Variants in GPR158 observed in about 807,000 individuals in gnomAD.
GPR158 encodes the protein metabotropic glycine receptor.
GPR158 carries 30 observed loss-of-function variants against 78.2 expected under a neutral mutation model. The observed-to-expected ratio is 0.38, with a 90% CI of 0.29 to 0.52. The LOEUF is 0.52. Among genes scored for constraint, GPR158 ranks in the 20% least tolerant of loss-of-function variants. The pLI is 0.83. For missense variants in GPR158, 1,463 were observed against 1,523.5 expected (o/e 0.96, Z 0.66); for synonymous variants, 581 against 591.1 (o/e 0.98, Z 0.25).
rs750135523 is a variant in GPR158 at position 25,572,713 on chromosome 10, A to T, written c.1579A>T (p.Met527Leu). 1 of 1,614,126 alleles carries T rather than the reference A, an allele frequency of 6.2e-7. No individual in the cohort carries two copies. Among genetic ancestry groups the T allele is most frequent in the South Asian group, 1.1e-5 (1 of 91,082 alleles). Reference protein sequence around the residue: ...RIPYMTGGRVMRMLAVILLVV... With the variant: ...RIPYMTGGRVLRMLAVILLVV... The stretch of plus-strand genomic sequence containing the variant: ...TCCATATATGACTGGCGGACGGGTC[A>T]TGAGGATGCTGGCAGTAATACTCTT... Residue 527 changes from methionine (M) to leucine (L), a missense_variant, in exon 7 of 11, where the codon ATG becomes TTG. Met to Leu is a conservative substitution (Grantham distance 15). Coordinates refer to ENST00000376351, the MANE Select transcript of GPR158 (RefSeq NM_020752.3).
Position 25,460,203 on chromosome 10 carries a change from T to C in GPR158, c.1336-6448T>C, listed in dbSNP as rs1484017274. Among the ~76,000 whole-genome samples the C allele has an allele frequency of 2.0e-5, 3 of 152,058 alleles. No homozygotes were observed. In the East Asian group the frequency reaches 5.8e-4, roughly 29 times the overall value. On this transcript the variant is annotated intron_variant, in intron 4 of 10. Transcript: ENST00000376351. ...CCAAATCAGAGATTTTCTTTTTTTTTTTTTCCCTCTTCTTTTGAGATGGAG... is the reference window on the plus strand; with the variant it reads ...CCAAATCAGAGATTTTCTTTTTTTTCTTTTCCCTCTTCTTTTGAGATGGAG...
chr10:25,396,546 C>G (rs2130529692), intron 3 of GPR158, among the ~76,000 whole-genome samples: 1 of 152,142 alleles, frequency 6.6e-6, no homozygotes, highest in South Asian at 2.1e-4. Context: ...CGCTTGTAAT[C>G]CTAGCAATTT....
intron 1 of GPR158, among the ~76,000 whole-genome samples, chr10:25,215,402 CAG>C (rs1436527928): frequency 2.0e-5 from 3 of 152,174 alleles, no homozygotes; most frequent in African/African-American, 7.2e-5. Context: ...TTAAAGGGAA[CAG>C]AGTTTCAGTT....
chr10:25,425,408 T>C (rs2130567492), intron 4 of GPR158, among the ~76,000 whole-genome samples: 1 of 152,208 alleles, frequency 6.6e-6, no homozygotes, highest in East Asian at 1.9e-4. Flanking sequence ...AGTTTTAATT[T>C]GCATTTCCCT....
At chr10:25,415,254 T>C (rs185258269) in intron 4 of GPR158, among the ~76,000 whole-genome samples, 4 of 152,076 alleles carry the variant, frequency 2.6e-5, no homozygotes, top group African/African-American at 9.7e-5. Context: ...CAGAAGATAT[T>C]TGTAAATCCA....
intron 2 of GPR158, among the ~76,000 whole-genome samples, chr10:25,252,660 A>C (rs1853824441): frequency 6.6e-6 from 1 of 152,192 alleles, no homozygotes; most frequent in Non-Finnish European, 1.5e-5. Context: ...TTGAAGAGGC[A>C]GTCTGCCGGT....
intron 5 of GPR158, among the ~76,000 whole-genome samples, chr10:25,530,252 C>A (rs1476085209): frequency 6.6e-6 from 1 of 152,162 alleles, no homozygotes; most frequent in East Asian, 1.9e-4. Flanking sequence ...ACTCCAAGGG[C>A]TTTCCCAATA....
At chr10:25,480,560 G>A (rs824611) in intron 5 of GPR158, among the ~76,000 whole-genome samples, 1 of 152,002 alleles carries the variant, frequency 6.6e-6, no homozygotes, top group African/African-American at 2.4e-5. Context: ...CTTTTCCAGG[G>A]CCTTCACATG....
chr10:25,254,319 A>G (rs1479954114), intron 2 of GPR158, among the ~76,000 whole-genome samples: 2 of 152,202 alleles, frequency 1.3e-5, no homozygotes, highest in Non-Finnish European at 2.9e-5. Flanking sequence ...TTGCAAAACC[A>G]CATGAACTGA....
chr10:25,241,311 T>TTTCTTTTCTTTTCTCTTCACTTCTC (rs1554787218), intron 2 of GPR158, among the ~76,000 whole-genome samples: 7 of 104,588 alleles, frequency 6.7e-5, no homozygotes, highest in African/African-American at 3.1e-4. Flanking sequence ...TTTCTTTTCT[T>TTTCTTTTCTTTTCTCTTCACTTCTC]TTCTCTTCTC....
intron 2 of GPR158, among the ~76,000 whole-genome samples, chr10:25,276,453 C>T (rs1350002352): frequency 2.6e-5 from 4 of 152,138 alleles, no homozygotes; most frequent in Non-Finnish European, 4.4e-5. Flanking sequence ...CTTTGCCCTC[C>T]CAATTATGTG....
chr10:25,182,799 C>T (rs144077810), intron 1 of GPR158, among the ~76,000 whole-genome samples: 1 of 152,310 alleles, frequency 6.6e-6, no homozygotes, highest in Non-Finnish European at 1.5e-5. Flanking sequence ...TGCTATTTTG[C>T]ACTTGGTTGG....
intron 3 of GPR158, among the ~76,000 whole-genome samples, chr10:25,403,812 T>A (rs140243691): frequency 9.9e-5 from 15 of 152,196 alleles, no homozygotes; most frequent in African/African-American, 3.4e-4. Flanking sequence ...GTGAGTTGAA[T>A]ATTATTTTCA....
chr10:25,475,333 A>G (rs1019959585), intron 5 of GPR158: 1 of 152,214 alleles, frequency 6.6e-6, no homozygotes, highest in Admixed American at 6.5e-5. Flanking sequence ...ACCTCATCCT[A>G]TTGACTTCAT....
intron 6 of GPR158, among the ~76,000 whole-genome samples, chr10:25,555,354 G>A (rs1299988701): frequency 6.6e-6 from 1 of 152,156 alleles, no homozygotes; most frequent in African/African-American, 2.4e-5. Flanking sequence ...CTTTTAGCTA[G>A]GTCAGTGTGG....
chr10:25,312,927 G>C (rs903062029), intron 2 of GPR158, among the ~76,000 whole-genome samples: 4 of 151,954 alleles, frequency 2.6e-5, no homozygotes, highest in Non-Finnish European at 4.4e-5. Context: ...ATCAGTAAAA[G>C]TATCAGTACA....
intron 2 of GPR158, among the ~76,000 whole-genome samples, chr10:25,364,669 G>A (rs1855693076): frequency 6.6e-6 from 1 of 151,742 alleles, no homozygotes; most frequent in East Asian, 1.9e-4. Flanking sequence ...TGAATTTTAT[G>A]TATATTTTAT....
chr10:25,464,683 T>A (rs1055132901), intron 4 of GPR158, among the ~76,000 whole-genome samples: 1 of 152,246 alleles, frequency 6.6e-6, no homozygotes, highest in African/African-American at 2.4e-5. Flanking sequence ...GTCTTCTTCA[T>A]CGTACCTTGC....
chr10:25,205,199 G>A (rs1853005819), intron 1 of GPR158, among the ~76,000 whole-genome samples: 2 of 150,748 alleles, frequency 1.3e-5, no homozygotes, highest in African/African-American at 2.4e-5. Context: ...TTTCAGGTAT[G>A]TCTTTATCAG....
Sources: allele counts gnomAD v4.1 joint callset (sites outside exome capture counted in the v4.1 genomes callset), GRCh38; gene constraint gnomAD v4.1.1; transcripts MANE v1.5; gene names NCBI Gene and HGNC (gene_info 2026-07-23, HGNC 2026-07-21).